SPAG6: variants seen among roughly 807,000 people sequenced by gnomAD.
SPAG6 encodes the protein sperm-associated antigen 6.
Under a neutral mutation model 58.5 loss-of-function variants are expected in SPAG6, and 49 were observed. That is an observed-to-expected ratio of 0.84 (90% CI 0.67 to 1.06). SPAG6 has a LOEUF of 1.06. SPAG6 is among the 50% of genes least tolerant of loss of function. The probability of loss-of-function intolerance (pLI) is 0.00; values close to 1 mark genes in which losing one functional copy is unlikely to be tolerated. For synonymous variants in SPAG6, 233 were observed against 225.6 expected (o/e 1.03, Z -0.29); for missense variants, 560 against 611.3 (o/e 0.92, Z 0.89).
At chr10:22,346,417 A>T (rs745585974) in intron 2 of SPAG6, among the ~76,000 whole-genome samples, 1 of 141,958 alleles carries the variant, frequency 7.0e-6, no homozygotes, top group Admixed American at 7.0e-5. Flanking sequence ...ACATAAACTG[A>T]TAAGAGAAAA....
intron 2 of SPAG6, among the ~76,000 whole-genome samples, chr10:22,355,057 A>G (rs1353072295): frequency 6.6e-6 from 1 of 152,194 alleles, no homozygotes; most frequent in Non-Finnish European, 1.5e-5. Context: ...GGTTTCATAC[A>G]GTAACAATGG....
chr10:22,346,376 G>C (rs1836528976), intron 2 of SPAG6, among the ~76,000 whole-genome samples: 1 of 152,106 alleles, frequency 6.6e-6, no homozygotes, highest in South Asian at 2.1e-4. Context: ...GAGAGGGGGA[G>C]AGGGAGGGAG....
In SPAG6 at chr10:22,417,447, C is replaced by T. The variant is rs999894570; in HGVS notation, c.*759C>T. ...AAGAAGCAGGCATGTAAAATGGATC[C>T]TTGTCCTAACGTCACTTTCCCAAGT... is the stretch of plus-strand genomic sequence containing the variant. On this transcript the variant is annotated 3_prime_UTR_variant, in exon 11 of 11. Coordinates refer to ENST00000376624, the MANE Select transcript of SPAG6 (RefSeq NM_012443.4). The T allele has an allele frequency of 2.0e-5, 3 of 152,158 alleles. No homozygotes were observed. Among genetic ancestry groups the T allele is most frequent in the African/African-American group, 7.2e-5 (3 of 41,440 alleles). 9.4% of individuals were successfully genotyped at this position (152,158 alleles called of 1,614,324 possible).
At chr10:22,386,638 TGA>T in intron 4 of SPAG6, 114 bp from the exon 5 acceptor site, 1 of 748,998 alleles carries the variant, frequency 1.3e-6, no homozygotes, top group African/African-American at 1.7e-5. Flanking sequence ...ATGCAGATGT[TGA>T]GAGAGTGAAG....
chr10:22,387,887 T>C lies in SPAG6; in HGVS notation c.743T>C (p.Val248Ala). ...KHSVDLAEMVVEAEIFPVVLT... is the reference protein window; with the variant it reads ...KHSVDLAEMVAEAEIFPVVLT... ...TCCGTGGATCTGGCAGAAATGGTTG[T>C]TGAAGCAGAGATTTTTCCAGTTGTA... Residue 248 changes from valine to alanine, a missense_variant, in exon 6 of 11, where the codon GTT (valine) becomes GCT (alanine). By Grantham distance (64) the Val-to-Ala change is moderately conservative (BLOSUM62 0). Coordinates refer to ENST00000376624, the MANE Select transcript of SPAG6 (RefSeq NM_012443.4). The C allele has an allele frequency of 6.2e-7, 1 of 1,613,688 alleles. No individual in the cohort carries two copies.
chr10:22,364,950 T>G lies in SPAG6; in HGVS notation c.219T>G (p.Asp73Glu). ...LALGRLANYN[D>E]DLAEAVVKCD... ...TTGGGAGACTGGCCAATTATAATGA[T>G]GACCTAGCAGAAGCTGTTGTGAAGT... The change falls in exon 3 of 11, where the codon GAT becomes GAG. Residue 73 changes from aspartate to glutamate, a missense_variant. By Grantham distance (45) the Asp-to-Glu change is conservative. Transcript: ENST00000376624. The G allele has an allele frequency of 6.2e-7, 1 of 1,613,502 alleles. No homozygotes were observed. The highest frequency in any genetic ancestry group is 8.5e-7 in the Non-Finnish European group (1 of 1,179,598).
rs758107323 is a variant in SPAG6, at chr10:22,389,249, C to A, written c.942C>A (p.Ile314=). The A allele has an allele frequency of 6.2e-7, 1 of 1,613,066 alleles. No homozygotes were observed. The highest frequency in any genetic ancestry group is 8.5e-7 in the Non-Finnish European group (1 of 1,179,740). Residue 314 remains isoleucine, a synonymous_variant, in exon 7 of 11, where the codon ATC becomes ATA. Coordinates refer to ENST00000376624, the MANE Select transcript of SPAG6 (RefSeq NM_012443.4). Reference sequence around the variant, plus strand: ...AAGGGAACACACGGCTGCCTGGCATCATGATGCTTGGTTATGTAGCAGCTC... The same window carrying A: ...AAGGGAACACACGGCTGCCTGGCATAATGATGCTTGGTTATGTAGCAGCTC... ...SCKGNTRLPG[I]MMLGYVAAHS...
chr10:22,386,826 C>G lies in SPAG6; in HGVS notation c.545C>G (p.Ala182Gly). 1 of 1,613,602 alleles carries G rather than the reference C, an allele frequency of 6.2e-7. No individual in the cohort carries two copies. The highest frequency in any genetic ancestry group is 1.3e-5 in the African/African-American group (1 of 74,994). Residue 182 changes from alanine to glycine, a missense_variant, in exon 5 of 11, where the codon GCT (alanine) becomes GGT (glycine). Coordinates refer to ENST00000376624, the MANE Select transcript of SPAG6 (RefSeq NM_012443.4). ...LVLCIQEPEI[A>G]LKRIAASALS... Reference sequence around the variant, plus strand: ...CTCTGTATCCAGGAGCCAGAAATTGCTTTGAAAAGGATTGCTGCTTCGGCC... The same window carrying G: ...CTCTGTATCCAGGAGCCAGAAATTGGTTTGAAAAGGATTGCTGCTTCGGCC...
rs369984406 is a variant in SPAG6, at chr10:22,401,291, G to A, written c.1314+14G>A. 1 of 1,185,742 alleles carries A rather than the reference G, an allele frequency of 8.4e-7. No homozygotes were observed. The highest frequency in any genetic ancestry group is 1.3e-6 in the Non-Finnish European group (1 of 798,716). 73.5% of individuals were successfully genotyped at this position (1,185,742 alleles called of 1,614,324 possible). On this transcript the variant is annotated intron_variant, in intron 9 of 10. Coordinates refer to ENST00000376624, the MANE Select transcript of SPAG6 (RefSeq NM_012443.4). ...CAGTTCAGTAAGGTAAGAAATGCCA[G>A]CCTCTAAGGGGAGGAAGAAAATTAA...
In SPAG6 at chr10:22,345,834, GA is replaced by G. The variant is rs1836507552; in HGVS notation, c.121+18del. ...CAGAACGCGGGTGAGCCCGGAGCCCGAACCCCCGTCGCCCCCCGCGCACTGA... is the reference window on the plus strand; with the variant it reads ...CAGAACGCGGGTGAGCCCGGAGCCCGACCCCCGTCGCCCCCCGCGCACTGA... On this transcript the variant is annotated intron_variant, in intron 2 of 10. Coordinates refer to ENST00000376624, the MANE Select transcript of SPAG6 (RefSeq NM_012443.4). The surrounding 1 kb of genome is among the most constrained non-coding windows in gnomAD (Gnocchi z 6.3). 17 of 1,608,872 alleles carry G rather than the reference GA, an allele frequency of 1.1e-5. No individual in the cohort carries two copies. In the East Asian group the frequency reaches 3.6e-4, roughly 34 times the overall value.
At chr10:22,346,141 T>A in intron 2 of SPAG6, 1 of 1,347,342 alleles carries the variant, frequency 7.4e-7, no homozygotes, top group South Asian at 1.3e-5. Context: ...TTTATCCAAG[T>A]GCCATTTTGC....
chr10:22,347,579 T>G (rs1249738253), intron 2 of SPAG6, among the ~76,000 whole-genome samples: 1 of 152,196 alleles, frequency 6.6e-6, no homozygotes, highest in South Asian at 2.1e-4. Context: ...ATTTTCAAAT[T>G]TTAATACTGA....
chr10:22,357,330 G>A (rs756245126), intron 2 of SPAG6, among the ~76,000 whole-genome samples: 12 of 152,168 alleles, frequency 7.9e-5, no homozygotes, highest in South Asian at 2.1e-4. Flanking sequence ...GTCACAACCC[G>A]TTTAGAAGTT....
chr10:22,354,453 G>A (rs546708660), intron 2 of SPAG6, among the ~76,000 whole-genome samples: 2 of 152,336 alleles, frequency 1.3e-5, no homozygotes, highest in Admixed American at 6.5e-5. Context: ...AGATATCCAT[G>A]CGTCAGTGAC....
intron 2 of SPAG6, among the ~76,000 whole-genome samples, chr10:22,361,679 G>A (rs928674578): frequency 6.6e-6 from 1 of 152,076 alleles, no homozygotes; most frequent in Admixed American, 6.6e-5. Context: ...GAGTAAGTGA[G>A]ACTCCGTCTC....
chr10:22,398,584 C>T (rs1834345581), intron 8 of SPAG6, among the ~76,000 whole-genome samples: 1 of 152,040 alleles, frequency 6.6e-6, no homozygotes, highest in African/African-American at 2.4e-5. Context: ...ACAAAACTAG[C>T]AGAGTGTGGT....
chr10:22,400,509 G>C (rs186088099), intron 8 of SPAG6, among the ~76,000 whole-genome samples: 1 of 152,000 alleles, frequency 6.6e-6, no homozygotes, highest in East Asian at 2.0e-4. Flanking sequence ...CGGAGTGCAG[G>C]AGGGGGTAGA....
chr10:22,349,657 T>G (rs1836664348), intron 2 of SPAG6, among the ~76,000 whole-genome samples: 1 of 152,178 alleles, frequency 6.6e-6, no homozygotes, highest in African/African-American at 2.4e-5. Context: ...GGGGTAAAGT[T>G]TAAAATATTA....
intron 4 of SPAG6, among the ~76,000 whole-genome samples, chr10:22,375,247 T>A (rs1833788616): frequency 6.6e-6 from 1 of 152,228 alleles, no homozygotes; most frequent in South Asian, 2.1e-4. Context: ...TACATTTGAA[T>A]TTCTAGAAAT....
Sources: gnomAD v4.1 joint callset for allele counts (sites outside exome capture counted in the v4.1 genomes callset) on GRCh38, gnomAD v4.1.1 for gene constraint, Gnocchi (gnomAD v3.1) non-coding constraint, MANE v1.5 for transcripts, NCBI Gene and HGNC (gene_info 2026-07-23, HGNC 2026-07-21) for gene names.